IRAK2: variants seen among roughly 807,000 people sequenced by gnomAD.
IRAK2 encodes the protein interleukin-1 receptor-associated kinase-like 2.
IRAK2 carries 57 observed loss-of-function variants against 72.0 expected under a neutral mutation model. The observed-to-expected ratio is 0.79, with a 90% CI of 0.64 to 0.99. The LOEUF (loss-of-function observed/expected upper bound fraction) is 0.99, where lower values mean the gene tolerates loss of function less well. Among genes scored for constraint, IRAK2 ranks in the 50% least tolerant of loss-of-function variants. The pLI is 0.00. For missense variants in IRAK2, 790 were observed against 794.4 expected (o/e 0.99, Z 0.07); for synonymous variants, 293 against 312.7 (o/e 0.94, Z 0.67).
intron 6 of IRAK2, among the ~76,000 whole-genome samples, chr3:10,213,770 G>A (rs921581342): frequency 6.6e-6 from 1 of 152,178 alleles, no homozygotes; most frequent in Non-Finnish European, 1.5e-5. Flanking sequence ...ATGAGTGGCA[G>A]AGCCAGGATT....
At chr3:10,222,424 C>G (rs1242958715) in intron 8 of IRAK2, among the ~76,000 whole-genome samples, 3 of 152,134 alleles carry the variant, frequency 2.0e-5, no homozygotes, top group Admixed American at 2.0e-4. Context: ...AAGACTAAGT[C>G]TGAACTCCAT....
chr3:10,213,192 T>C lies in IRAK2; in HGVS notation c.529-15T>C, dbSNP rs748177579. 5.0e-6 allele frequency: 8 copies of C among 1,610,760 alleles called. No homozygotes were observed. In the South Asian group the frequency reaches 7.7e-5, roughly 15 times the overall value. On this transcript the variant is annotated splice_polypyrimidine_tract_variant and intron_variant, in intron 4 of 12. Transcript: ENST00000256458. ...ATTCCATAGTAATCTCCATCTCTTC[T>C]CTCTGGGTCTCCAGGACTTCAGCAC...
rs1373237553 is a variant in IRAK2, at chr3:10,226,397, C to T, written c.1236C>T (p.Ile412=). ...GIVLAEVLTG[I]PAMDNNRSPV... ...TGTTGGCCGAGGTCCTCACGGGCAT[C>T]CCTGCAATGGATAACAACCGAAGCC... Residue 412 remains isoleucine (I), a synonymous_variant, in exon 10 of 13, where the codon ATC becomes ATT. Transcript: ENST00000256458. 1.2e-6 allele frequency: 2 copies of T among 1,613,528 alleles called. No individual in the cohort carries two copies. The highest frequency in any genetic ancestry group is 1.7e-6 in the Non-Finnish European group (2 of 1,179,854).
chr3:10,203,519 AT>A (rs770534834), intron 3 of IRAK2, among the ~76,000 whole-genome samples: 14 of 152,300 alleles, frequency 9.2e-5, no homozygotes, highest in Non-Finnish European at 1.5e-4. Flanking sequence ...ATCTTAAAGG[AT>A]TTTGGTAGGA....
rs775129728 is a variant in IRAK2, at chr3:10,238,815, G to T, written c.1541G>T (p.Gly514Val). 4.2e-5 allele frequency: 67 copies of T among 1,613,962 alleles called. 2 individuals carry two copies. The South Asian group carries it at 7.1e-4, about 17-fold the overall frequency. ...CGGGAGACGTTGCTCCCTTGGAGTG[G>T]GCTTTCTGAGGGTACAGGCTCTTCT... ...RGRETLLPWS[G>V]LSEGTGSSSN... The change falls in exon 12 of 13, where the codon GGG (glycine) becomes GTG (valine). Residue 514 changes from glycine (G) to valine (V), a missense_variant. Coordinates refer to ENST00000256458, the MANE Select transcript of IRAK2 (RefSeq NM_001570.4).
At chr3:10,177,587 G>T (rs575210544) in intron 1 of IRAK2, among the ~76,000 whole-genome samples, 7 of 152,322 alleles carry the variant, frequency 4.6e-5, no homozygotes, top group Admixed American at 4.6e-4. Flanking sequence ...AGCAGCCAAT[G>T]CTCAAGGCTT....
chr3:10,186,756 A>T (rs1467569059), intron 2 of IRAK2, among the ~76,000 whole-genome samples: 2 of 148,156 alleles, frequency 1.3e-5, no homozygotes, highest in African/African-American at 5.1e-5. Flanking sequence ...TGTTAGCTAC[A>T]GGCTGGGTCT....
chr3:10,223,830 C>G (rs1697731540), intron 9 of IRAK2, among the ~76,000 whole-genome samples: 1 of 152,198 alleles, frequency 6.6e-6, no homozygotes, highest in South Asian at 2.1e-4. Flanking sequence ...TCTTCTCTAG[C>G]CTTGAACTCT....
intron 3 of IRAK2, among the ~76,000 whole-genome samples, chr3:10,207,170 C>G (rs1697445719): frequency 6.6e-6 from 1 of 152,042 alleles, no homozygotes; most frequent in Admixed American, 6.6e-5. Flanking sequence ...GGCTCATGGT[C>G]TTAAACTCTT....
intron 1 of IRAK2, among the ~76,000 whole-genome samples, chr3:10,174,511 TA>T (rs1696842712): frequency 6.6e-6 from 1 of 152,056 alleles, no homozygotes; most frequent in Non-Finnish European, 1.5e-5. Context: ...TATGTTTATA[TA>T]TTTTTTTGTT....
chr3:10,238,418 T>A lies in IRAK2; in HGVS notation c.1474-330T>A, dbSNP rs1367389040. 3.9e-5 allele frequency among the ~76,000 whole-genome samples: 6 copies of A among 152,220 alleles called. No individual in the cohort carries two copies. The East Asian group carries it at 1.2e-3, about 29-fold the overall frequency. ...CTAGAGAGGAAAGGCTGGAGGTCTT[T>A]CCCCAATAAGCTCTAGGTGGAAAAG... On this transcript the variant is annotated intron_variant, in intron 11 of 12. Transcript: ENST00000256458.
At chr3:10,171,293 G>A (rs1319907144) in intron 1 of IRAK2, among the ~76,000 whole-genome samples, 1 of 152,160 alleles carries the variant, frequency 6.6e-6, no homozygotes, top group African/African-American at 2.4e-5. Flanking sequence ...GCCCAGCTGT[G>A]TGACATCAGG....
At chr3:10,204,454 T>C (rs537448134) in intron 3 of IRAK2, among the ~76,000 whole-genome samples, 1 of 151,984 alleles carries the variant, frequency 6.6e-6, no homozygotes, top group Non-Finnish European at 1.5e-5. Context: ...GGACCAGAGG[T>C]GGTGCATTTT....
At chr3:10,235,593 A>T (rs1452842311) in intron 11 of IRAK2, among the ~76,000 whole-genome samples, 7 of 152,174 alleles carry the variant, frequency 4.6e-5, no homozygotes, top group African/African-American at 7.2e-5. Flanking sequence ...TGCTGTTGGC[A>T]GCAAGAGGGG....
chr3:10,239,364 G>A (rs1409732948), intron 12 of IRAK2, among the ~76,000 whole-genome samples: 2 of 152,056 alleles, frequency 1.3e-5, no homozygotes, highest in Non-Finnish European at 2.9e-5. Flanking sequence ...CTCCATCCTG[G>A]CCCCTCCCTC....
intron 3 of IRAK2, among the ~76,000 whole-genome samples, chr3:10,201,998 C>T (rs914036219): frequency 3.9e-5 from 6 of 152,182 alleles, no homozygotes; most frequent in African/African-American, 7.2e-5. Context: ...TATTTCATCA[C>T]GTTGTGGTAA....
intron 1 of IRAK2, among the ~76,000 whole-genome samples, chr3:10,167,605 T>C (rs1054299604): frequency 2.6e-5 from 4 of 151,938 alleles, no homozygotes; most frequent in Admixed American, 6.6e-5. Flanking sequence ...TTAGTAGAGA[T>C]GGGGTTTCAC....
chr3:10,238,960 A>G lies in IRAK2; in HGVS notation c.1686A>G (p.Glu562=). The G allele has an allele frequency of 6.2e-7, 1 of 1,614,142 alleles. No homozygotes were observed. Among genetic ancestry groups the G allele is most frequent in the Non-Finnish European group, 8.5e-7 (1 of 1,179,992 alleles). ...ATPLLPTENG[E]GRLRVIVGRE... is the part of the protein sequence containing the mutation. ...CACTTCTCCCCACAGAGAATGGGGA[A>G]GGAAGGCTGCGGGTCATCGTGGGAA... Residue 562 remains glutamate (E), a synonymous_variant, in exon 12 of 13, where the codon GAA becomes GAG. Transcript: ENST00000256458.
chr3:10,173,107 T>A (rs904510565), intron 1 of IRAK2, among the ~76,000 whole-genome samples: 2 of 152,134 alleles, frequency 1.3e-5, no homozygotes, highest in African/African-American at 4.8e-5. Flanking sequence ...ATCTAATCCT[T>A]GCAACAATCT....
Sources: gnomAD v4.1 joint callset for allele counts (sites outside exome capture counted in the v4.1 genomes callset) on GRCh38, gnomAD v4.1.1 for gene constraint, MANE v1.5 for transcripts, NCBI Gene and HGNC (gene_info 2026-07-23, HGNC 2026-07-21) for gene names.